Variants in RADX observed in about 807,000 individuals in gnomAD.
RADX encodes RPA-related protein RADX.
A neutral mutation model predicts 61.6 loss-of-function variants in RADX; 36 were observed. That is an observed-to-expected ratio of 0.58 (90% CI 0.45 to 0.77). The LOEUF is 0.77. RADX is among the 30% of genes least tolerant of loss of function. The pLI, the probability that RADX is intolerant of heterozygous loss-of-function variation, is 0.00. For synonymous variants in RADX, 272 were observed against 237.9 expected, an observed-to-expected ratio of 1.14 and a Z score of -1.32; for missense variants, 497 against 651.1, an observed-to-expected ratio of 0.76 and a Z score of 2.58.
At chrX:106,658,619 G>A (rs902119303) in intron 11 of RADX, among the ~76,000 whole-genome samples, 9 of 112,047 alleles carry the variant, frequency 8.0e-5, no homozygotes, top group African/African-American at 2.6e-4. Flanking sequence ...TTAATATACT[G>A]TAATATTATA....
chrX:106,650,854 G>A (rs1221248355), intron 11 of RADX, among the ~76,000 whole-genome samples: 1 of 111,765 alleles, frequency 8.9e-6, no homozygotes, highest in African/African-American at 3.3e-5. Flanking sequence ...ATAGATAAAT[G>A]CAGATGAAGA....
At chrX:106,671,994 C>G (rs950290297) in intron 13 of RADX, among the ~76,000 whole-genome samples, 1 of 111,567 alleles carries the variant, frequency 9.0e-6, no homozygotes, top group East Asian at 2.8e-4. Flanking sequence ...CTCAAATACA[C>G]TAGACTTTTT....
intron 11 of RADX, among the ~76,000 whole-genome samples, chrX:106,650,182 T>G (rs1197937479): frequency 9.0e-6 from 1 of 110,737 alleles, no homozygotes; most frequent in African/African-American, 3.3e-5. Flanking sequence ...TCCTGGGCAA[T>G]GGGTAAGAAA....
rs768810037 is a variant in RADX at position 106,633,172 on chromosome X, C to T, written c.1223C>T (p.Ala408Val). The T allele has an allele frequency of 3.3e-6, 4 of 1,199,129 alleles. No individual in the cohort carries two copies. The African/African-American group carries it at 7.0e-5, about 21-fold the overall frequency. The change falls in exon 6 of 14, where the codon GCT becomes GTT. Residue 408 changes from alanine (A) to valine (V), a missense_variant. Transcript: ENST00000372548. The stretch of plus-strand genomic sequence containing the variant: ...TGGTCATATCGCTGGATTCACATTG[C>T]TGACGGTACTTCAGAACAACCATTT... ...DFWSYRWIHI[A>V]DGTSEQPFIV...
intron 11 of RADX, among the ~76,000 whole-genome samples, chrX:106,649,364 C>T (rs948416920): frequency 9.0e-6 from 1 of 111,553 alleles, no homozygotes; most frequent in African/African-American, 3.2e-5. Flanking sequence ...AGGAGAAAAC[C>T]ATAATTGTTC....
At chrX:106,675,319 G>A (rs1304752401) in intron 13 of RADX, among the ~76,000 whole-genome samples, 2 of 112,134 alleles carry the variant, frequency 1.8e-5, no homozygotes, top group African/African-American at 6.5e-5. Context: ...CAATTACAAA[G>A]CAACTCTAAA....
chrX:106,634,592 G>T (rs368872614), intron 6 of RADX, among the ~76,000 whole-genome samples: 1 of 111,431 alleles, frequency 9.0e-6, no homozygotes, highest in Non-Finnish European at 1.9e-5. Context: ...CCCTAGGCTT[G>T]TGAGATTAAA....
chrX:106,674,998 T>C (rs908104477), intron 13 of RADX, among the ~76,000 whole-genome samples: 1 of 103,655 alleles, frequency 9.6e-6, no homozygotes, highest in African/African-American at 3.7e-5. Context: ...CACTCCAGCC[T>C]GGCAACAGAG....
At chrX:106,643,994 T>G (rs749445128) in intron 10 of RADX, among the ~76,000 whole-genome samples, 13 of 111,716 alleles carry the variant, frequency 1.2e-4, no homozygotes, top group Non-Finnish European at 2.3e-4. Context: ...ATCTTTCACT[T>G]GTTTGGTTAT....
chrX:106,614,196 C>T (rs1324796009), intron 1 of RADX, among the ~76,000 whole-genome samples: 1 of 111,601 alleles, frequency 9.0e-6, no homozygotes, highest in Non-Finnish European at 1.9e-5. Flanking sequence ...TGAAAGACCT[C>T]TTTCACCTTC....
intron 3 of RADX, among the ~76,000 whole-genome samples, chrX:106,631,279 A>C (rs1302022455): frequency 8.9e-6 from 1 of 112,374 alleles, no homozygotes; most frequent in Non-Finnish European, 1.9e-5. Flanking sequence ...AACAATGGGC[A>C]AAAGACCAAG....
intron 12 of RADX, among the ~76,000 whole-genome samples, chrX:106,664,999 T>TA (rs1287852452): frequency 8.9e-6 from 1 of 111,889 alleles, no homozygotes; most frequent in African/African-American, 3.2e-5. Flanking sequence ...TCTACATCTA[T>TA]ACTTCAAGTA....
rs754951171 is a variant in RADX at position 106,633,049 on chromosome X, A to G, written c.1180+26A>G. 32 of 1,179,548 alleles carry G rather than the reference A, an allele frequency of 2.7e-5. No homozygotes were observed. In the Admixed American group the frequency reaches 7.1e-4, roughly 26 times the overall value. On this transcript the variant is annotated intron_variant, in intron 5 of 13. Coordinates refer to ENST00000372548, the MANE Select transcript of RADX (RefSeq NM_018015.6). ...GTAAGCTTTTAAAATTGAAAATCAT[A>G]AAAAGTATTTCAGTGAATAATTTTG...
At chrX:106,631,832 GAAAGAAAGAAA>G (rs781295864) in intron 3 of RADX, among the ~76,000 whole-genome samples, 113 of 105,195 alleles carry the variant, frequency 1.1e-3, no homozygotes, top group Non-Finnish European at 1.9e-3. Flanking sequence ...AGAAAGAAAA[GAAAGAAAGAAA>G]AAAGAAAGAA....
chrX:106,643,392 G>T (rs751494938), intron 10 of RADX, among the ~76,000 whole-genome samples: 80 of 111,234 alleles, frequency 7.2e-4, no homozygotes, highest in African/African-American at 2.4e-3. Flanking sequence ...TATTACTCAA[G>T]AAATTTTTGC....
chrX:106,648,781 A>G (rs1927726755), intron 11 of RADX, among the ~76,000 whole-genome samples: 1 of 110,870 alleles, frequency 9.0e-6, no homozygotes, highest in African/African-American at 3.3e-5. Context: ...TGATTTCGTA[A>G]TACAATTTTT....
chrX:106,647,718 T>C (rs896821196), intron 10 of RADX, among the ~76,000 whole-genome samples: 1 of 111,469 alleles, frequency 9.0e-6, no homozygotes, highest in East Asian at 2.8e-4. Flanking sequence ...CATTGTAGTT[T>C]TGATTTGGGT....
chrX:106,653,176 T>G (rs1927843767), intron 11 of RADX, among the ~76,000 whole-genome samples: 1 of 111,395 alleles, frequency 9.0e-6, no homozygotes, highest in South Asian at 3.7e-4. Flanking sequence ...CTGATAGAAA[T>G]TTTTATCTAA....
At chrX:106,620,644 A>C (rs1926922389) in intron 1 of RADX, among the ~76,000 whole-genome samples, 1 of 111,290 alleles carries the variant, frequency 9.0e-6, no homozygotes, top group South Asian at 3.8e-4. Context: ...ACAGCACTCC[A>C]GCCTGAGCAA....
Sources: gnomAD v4.1 joint callset for allele counts (sites outside exome capture counted in the v4.1 genomes callset) on GRCh38, gnomAD v4.1.1 for gene constraint, MANE v1.5 for transcripts, NCBI Gene and HGNC (gene_info 2026-07-23, HGNC 2026-07-21) for gene names.